FMNL3: variants seen among roughly 807,000 people sequenced by gnomAD.
FMNL3 encodes formin-like protein 3.
Under a neutral mutation model 119.6 loss-of-function variants are expected in FMNL3, and 57 were observed. The observed-to-expected ratio is 0.48, with a 90% CI of 0.39 to 0.59. FMNL3 has a LOEUF of 0.59. Among genes scored for constraint, FMNL3 ranks in the 20% least tolerant of loss-of-function variants. FMNL3 has a pLI of 0.00. For synonymous variants in FMNL3, 491 were observed against 507.3 expected (o/e 0.97, Z 0.43); for missense variants, 1,053 against 1,323.5 (o/e 0.80, Z 3.17).
Position 49,651,395 on chromosome 12 carries a change from T to C in FMNL3, c.1659A>G (p.Thr553=), listed in dbSNP as rs758548409. The C allele has an allele frequency of 3.2e-6, 5 of 1,556,972 alleles. No homozygotes were observed. In the Admixed American group the frequency reaches 8.9e-5, roughly 28 times the overall value. ...GGGGATACTCACCTGACAGGCCCAC[T>C]GTCAACACCACAGAGGGTGCAGCAC... ...LPGAAPSVVL[T]VGLSAIRIKK... Residue 553 remains threonine, a synonymous_variant, in exon 15 of 26, where the codon ACA becomes ACG. Transcript: ENST00000335154.
chr12:49,669,191 T>C (rs1452379311), intron 1 of FMNL3, among the ~76,000 whole-genome samples: 1 of 152,188 alleles, frequency 6.6e-6, no homozygotes, highest in Non-Finnish European at 1.5e-5. Context: ...TGGAAAAGAA[T>C]TTTTAGGCAA....
intron 1 of FMNL3, among the ~76,000 whole-genome samples, chr12:49,679,095 CTA>C (rs1434945682): frequency 6.6e-6 from 1 of 152,118 alleles, no homozygotes; most frequent in African/African-American, 2.4e-5. Flanking sequence ...GATAAGCACT[CTA>C]TATGAATTAT....
At chr12:49,659,433 C>G (rs1056969294) in intron 5 of FMNL3, among the ~76,000 whole-genome samples, 5 of 152,106 alleles carry the variant, frequency 3.3e-5, no homozygotes, top group African/African-American at 1.2e-4. Context: ...TTTAAAGAGA[C>G]AGGGTCTCAC....
chr12:49,651,680 C>T (rs1257824535), intron 14 of FMNL3, among the ~76,000 whole-genome samples: 2 of 152,210 alleles, frequency 1.3e-5, no homozygotes, highest in Non-Finnish European at 2.9e-5. Context: ...CTCTCCTTGG[C>T]TGTCTTCAAA....
rs893169946 is a variant in FMNL3 at position 49,638,531 on chromosome 12, G to C, written c.*7284C>G. 6.6e-6 allele frequency: 1 copy of C among 152,200 alleles called. No homozygotes were observed. The highest frequency in any genetic ancestry group is 1.9e-4 in the East Asian group (1 of 5,202). 9.4% of individuals were successfully genotyped at this position (152,200 alleles called of 1,614,324 possible). On this transcript the variant is annotated 3_prime_UTR_variant, in exon 26 of 26. Coordinates refer to ENST00000335154, the MANE Select transcript of FMNL3 (RefSeq NM_175736.5). ...GTTGCTCTTCTTCTACTGGAGAAGA[G>C]AAATAGTTCTCAATATTTACATCTT...
chr12:49,697,666 C>A (rs915197383), intron 1 of FMNL3, among the ~76,000 whole-genome samples: 1 of 152,144 alleles, frequency 6.6e-6, no homozygotes, highest in East Asian at 1.9e-4. Context: ...AATTCTGAGA[C>A]GAGATAAAGT....
chr12:49,656,214 C>G (rs759615254), intron 9 of FMNL3, among the ~76,000 whole-genome samples, 190 bp downstream of exon 9: 1 of 152,070 alleles, frequency 6.6e-6, no homozygotes, highest in Non-Finnish European at 1.5e-5. Flanking sequence ...AGGAGGTTTC[C>G]TGGCCTGAAG....
In FMNL3 at chr12:49,644,220, CTG is replaced by C. The variant is rs1234717489; in HGVS notation, c.*1593_*1594del. ...CAATGAGCTGTTCTCTGCCTCGGGT[CTG>C]TGTGAGGCCATGGCTCCTGGGCCAC... On this transcript the variant is annotated 3_prime_UTR_variant, in exon 26 of 26. Coordinates refer to ENST00000335154, the MANE Select transcript of FMNL3 (RefSeq NM_175736.5). 6.2e-7 allele frequency: 1 copy of C among 1,611,496 alleles called. No homozygotes were observed. Among genetic ancestry groups the C allele is most frequent in the African/African-American group, 1.3e-5 (1 of 74,878 alleles).
chr12:49,691,081 G>A (rs1944588774), intron 1 of FMNL3, among the ~76,000 whole-genome samples: 1 of 152,166 alleles, frequency 6.6e-6, no homozygotes, highest in African/African-American at 2.4e-5. Flanking sequence ...GCATCAGGCT[G>A]CTTGGACTCA....
rs1944531261 is a variant in FMNL3, at chr12:49,688,789, C to A, written c.126+18266G>T. Among the ~76,000 whole-genome samples, 3 of 152,164 alleles carry A rather than the reference C, an allele frequency of 2.0e-5. No homozygotes were observed. The South Asian group carries it at 6.2e-4, about 32-fold the overall frequency. ...CCTGGATAATTAGCTGGAAGAGTGC[C>A]ATTCCCCCCAAAATACAATGTATAA... On this transcript the variant is annotated intron_variant, in intron 1 of 25. Coordinates refer to ENST00000335154, the MANE Select transcript of FMNL3 (RefSeq NM_175736.5).
chr12:49,675,763 T>C (rs1315308233), intron 1 of FMNL3, among the ~76,000 whole-genome samples: 1 of 152,206 alleles, frequency 6.6e-6, no homozygotes, highest in East Asian at 1.9e-4. Flanking sequence ...ATAAATCATG[T>C]TTCTCCTTGG....
At position 49,642,763 on chromosome 12, in the gene FMNL3, C is replaced by A; in HGVS notation, c.*3052G>T. The A allele has an allele frequency of 6.8e-7, 1 of 1,466,334 alleles. No individual in the cohort carries two copies. Among genetic ancestry groups the A allele is most frequent in the South Asian group, 1.2e-5 (1 of 82,806 alleles). The allele number at this position is 1,466,334 out of a possible 1,614,324, so 90.8% of individuals were successfully genotyped here. A position where few individuals can be genotyped will look rare whatever the true frequency, so the allele number is the denominator to read the frequency against. ...GAGACCTCAGTGGCCTCCCTCTTAC[C>A]CTTAGGGCACTCCTGGCCAGCTAAG... On this transcript the variant is annotated 3_prime_UTR_variant, in exon 26 of 26. Coordinates refer to ENST00000335154, the MANE Select transcript of FMNL3 (RefSeq NM_175736.5). The surrounding 1 kb of genome is among the most constrained non-coding windows in gnomAD (Gnocchi z 5.8).
intron 5 of FMNL3, among the ~76,000 whole-genome samples, chr12:49,659,298 AATT>A: frequency 6.6e-6 from 1 of 152,206 alleles, no homozygotes; most frequent in East Asian, 1.9e-4. Context: ...TGGGGGAAGA[AATT>A]ACAAGTTGAG....
rs1490258957 is a variant in FMNL3, at chr12:49,707,095, G to A, written c.86C>T (p.Pro29Leu). Reference sequence around the variant, plus strand: ...CCTTTCCTCCAGCTCACAGGGCTCAGGCATCGGCATCTTGCCGGGCGGCAG... The same window carrying A: ...CCTTTCCTCCAGCTCACAGGGCTCAAGCATCGGCATCTTGCCGGGCGGCAG... ...LLLPPGKMPMPEPCELEERFA... is the reference protein window; with the variant it reads ...LLLPPGKMPMLEPCELEERFA... The change falls in exon 1 of 26, where the codon CCT becomes CTT. Residue 29 changes from proline (P) to leucine (L), a missense_variant. By Grantham distance (98) the Pro-to-Leu change is moderately conservative. This residue lies in a region of FMNL3 where 264 missense variants were observed against 265.5 expected (regional missense o/e 0.99). Coordinates refer to ENST00000335154, the MANE Select transcript of FMNL3 (RefSeq NM_175736.5). The A allele has an allele frequency of 3.1e-6, 5 of 1,600,692 alleles. No individual in the cohort carries two copies. Among genetic ancestry groups the A allele is most frequent in the East Asian group, 4.6e-5 (2 of 43,900 alleles).
At chr12:49,669,385 C>T (rs916272741) in intron 1 of FMNL3, among the ~76,000 whole-genome samples, 4 of 152,188 alleles carry the variant, frequency 2.6e-5, no homozygotes, top group Non-Finnish European at 4.4e-5. Context: ...GAATAAGGTA[C>T]GAGAGAATGA....
rs1489568593 is a variant in FMNL3 at position 49,642,362 on chromosome 12, C to A, written c.*3453G>T. 2.5e-6 allele frequency: 4 copies of A among 1,613,636 alleles called. No individual in the cohort carries two copies. The highest frequency in any genetic ancestry group is 1.3e-5 in the African/African-American group (1 of 74,920). On this transcript the variant is annotated 3_prime_UTR_variant, in exon 26 of 26. Transcript: ENST00000335154. The surrounding 1 kb of genome is among the most constrained non-coding windows in gnomAD (Gnocchi z 5.8). ...GTGCCTGCTCTGGAGCTAGGCACTGCCTGGGAAGAGGTCAGGAGCGTAGCC... is the reference window on the plus strand; with the variant it reads ...GTGCCTGCTCTGGAGCTAGGCACTGACTGGGAAGAGGTCAGGAGCGTAGCC...
intron 1 of FMNL3, chr12:49,688,617 GT>G (rs1466007023): frequency 2.3e-6 from 1 of 429,330 alleles, no homozygotes; most frequent in Admixed American, 2.6e-5. Flanking sequence ...ATGGCTTGTG[GT>G]AAGTGGGTCT....
intron 1 of FMNL3, among the ~76,000 whole-genome samples, chr12:49,697,412 G>A (rs1308169073): frequency 6.6e-6 from 1 of 152,196 alleles, no homozygotes; most frequent in Non-Finnish European, 1.5e-5. Flanking sequence ...GACAAAGGAG[G>A]TACAGATAAG....
At chr12:49,699,123 G>C (rs562514975) in intron 1 of FMNL3, among the ~76,000 whole-genome samples, 3 of 152,266 alleles carry the variant, frequency 2.0e-5, no homozygotes, top group African/African-American at 7.2e-5. Context: ...CCCCAGAATG[G>C]AAGAGACTGG....
Sources: allele counts gnomAD v4.1 joint callset (sites outside exome capture counted in the v4.1 genomes callset), GRCh38; gene constraint gnomAD v4.1.1; regional missense constraint gnomAD v4.1.1; non-coding constraint Gnocchi (gnomAD v3.1); transcripts MANE v1.5; gene names NCBI Gene and HGNC (gene_info 2026-07-23, HGNC 2026-07-21).